Variants in PTGIS observed in about 807,000 individuals in gnomAD.
PTGIS encodes prostacyclin synthase.
PTGIS carries 45 observed loss-of-function variants against 50.3 expected under a neutral mutation model. The observed-to-expected ratio is 0.90, with a 90% CI of 0.70 to 1.15. PTGIS has a LOEUF of 1.15. Among genes scored for constraint, PTGIS ranks in the 50% most tolerant of loss-of-function variants. The pLI, the probability that PTGIS is intolerant of heterozygous loss-of-function variation, is 0.00. For synonymous variants in PTGIS, 260 were observed against 267.7 expected, an observed-to-expected ratio of 0.97 and a Z score of 0.28; for missense variants, 668 against 661.3, an observed-to-expected ratio of 1.01 and a Z score of -0.11.
chr20:49,560,785 G>A (rs1982752271), intron 1 of PTGIS, among the ~76,000 whole-genome samples: 1 of 152,172 alleles, frequency 6.6e-6, no homozygotes, highest in Non-Finnish European at 1.5e-5. Flanking sequence ...GGCTGGAGTG[G>A]AGAATGTGGG....
At chr20:49,508,201 G>C in intron 9 of PTGIS, 137 bp from the exon 10 acceptor site, 1 of 1,064,846 alleles carries the variant, frequency 9.4e-7, no homozygotes. Flanking sequence ...TGAGGAAGTA[G>C]AAGAAACGCA....
chr20:49,511,299 A>G, intron 8 of PTGIS, 120 bp from the exon 9 acceptor site: 1 of 1,161,716 alleles, frequency 8.6e-7, no homozygotes, highest in Non-Finnish European at 1.2e-6. Flanking sequence ...GAAACCATAT[A>G]CAGGTCAATT....
chr20:49,557,303 G>C (rs1024094382), intron 1 of PTGIS, among the ~76,000 whole-genome samples: 5 of 152,130 alleles, frequency 3.3e-5, no homozygotes, highest in African/African-American at 1.2e-4. Flanking sequence ...AATAGAAAAG[G>C]GGGGCAGGCA....
chr20:49,540,788 C>G lies in PTGIS; in HGVS notation c.522-1067G>C, dbSNP rs1982206899. On this transcript the variant is annotated intron_variant, in intron 4 of 9. Coordinates refer to ENST00000244043, the MANE Select transcript of PTGIS (RefSeq NM_000961.4). The surrounding 1 kb of genome is among the most constrained non-coding windows in gnomAD (Gnocchi z 4.8). ...GCTGACCTCAGTCCTGGGAGGGAAA[C>G]TGCAGGCTTTCATTTTGTCATCTCT... 6.6e-6 allele frequency among the ~76,000 whole-genome samples: 1 copy of G among 152,198 alleles called. No homozygotes were observed. The highest frequency in any genetic ancestry group is 1.5e-5 in the Non-Finnish European group (1 of 68,030).
At chr20:49,555,767 T>G (rs542398080) in intron 1 of PTGIS, among the ~76,000 whole-genome samples, 8 of 152,366 alleles carry the variant, frequency 5.3e-5, no homozygotes, top group African/African-American at 1.9e-4. Context: ...CTAAGACTTT[T>G]GTCATCCACA....
intron 5 of PTGIS, among the ~76,000 whole-genome samples, chr20:49,535,536 T>C (rs1397361555): frequency 1.3e-5 from 2 of 152,214 alleles, no homozygotes; most frequent in African/African-American, 4.8e-5. Context: ...TGTTTTGAGA[T>C]GGAGTCTTGC....
At chr20:49,559,057 A>G (rs1982694935) in intron 1 of PTGIS, among the ~76,000 whole-genome samples, 1 of 152,106 alleles carries the variant, frequency 6.6e-6, no homozygotes, top group African/African-American at 2.4e-5. Flanking sequence ...CGATCAAGGG[A>G]ACACGTTAAA....
intron 5 of PTGIS, among the ~76,000 whole-genome samples, chr20:49,527,001 TCAAA>T (rs1243988039): frequency 1.3e-5 from 2 of 152,068 alleles, no homozygotes; most frequent in Admixed American, 6.5e-5. Flanking sequence ...AACCAGAGAC[TCAAA>T]CAGATACTCG....
chr20:49,532,325 A>C (rs902128723), intron 5 of PTGIS, among the ~76,000 whole-genome samples: 1 of 152,200 alleles, frequency 6.6e-6, no homozygotes, highest in Non-Finnish European at 1.5e-5. Context: ...AGCAATAGTT[A>C]CCTGGGGATA....
At chr20:49,517,010 C>T (rs1168112893) in intron 6 of PTGIS, among the ~76,000 whole-genome samples, 2 of 152,188 alleles carry the variant, frequency 1.3e-5, no homozygotes, top group East Asian at 3.9e-4. Context: ...GGTAACATTG[C>T]CACCTCCTGG....
chr20:49,548,047 A>G, intron 2 of PTGIS, 28 bp from the exon 3 acceptor site: 1 of 1,608,890 alleles, frequency 6.2e-7, no homozygotes, highest in Non-Finnish European at 8.5e-7. Context: ...GGATAGAGTG[A>G]GGAGTGTCAC....
chr20:49,510,380 A>G (rs1981281192), intron 9 of PTGIS, among the ~76,000 whole-genome samples: 1 of 152,200 alleles, frequency 6.6e-6, no homozygotes, highest in Non-Finnish European at 1.5e-5. Context: ...AATGCCTACA[A>G]TGAGCCAGAC....
intron 1 of PTGIS, among the ~76,000 whole-genome samples, chr20:49,558,868 C>T (rs757433860): frequency 6.6e-6 from 1 of 152,056 alleles, no homozygotes; most frequent in Non-Finnish European, 1.5e-5. Context: ...AATGAACAAC[C>T]ATGCCCGGCT....
At chr20:49,515,529 A>C (rs2122843507) in intron 6 of PTGIS, among the ~76,000 whole-genome samples, 1 of 152,350 alleles carries the variant, frequency 6.6e-6, no homozygotes, top group East Asian at 1.9e-4. Flanking sequence ...ATAATAATGG[A>C]ATATTAAATC....
chr20:49,561,392 A>C (rs1424495775), intron 1 of PTGIS, among the ~76,000 whole-genome samples: 1 of 152,116 alleles, frequency 6.6e-6, no homozygotes, highest in African/African-American at 2.4e-5. Flanking sequence ...CAAAGAGGAG[A>C]CTTGCAAATT....
chr20:49,566,769 G>A (rs1289671812), intron 1 of PTGIS, among the ~76,000 whole-genome samples: 2 of 152,172 alleles, frequency 1.3e-5, no homozygotes, highest in African/African-American at 4.8e-5. Context: ...AGACTGAGGA[G>A]GTATGAAAAC....
intron 5 of PTGIS, among the ~76,000 whole-genome samples, chr20:49,531,284 G>A (rs905029021): frequency 1.3e-5 from 2 of 152,168 alleles, no homozygotes; most frequent in African/African-American, 4.8e-5. Flanking sequence ...GCATATGGGA[G>A]TGAGGAAGAG....
At chr20:49,533,731 C>A (rs1047199260) in intron 5 of PTGIS, among the ~76,000 whole-genome samples, 4 of 152,050 alleles carry the variant, frequency 2.6e-5, no homozygotes, top group Admixed American at 1.3e-4. Flanking sequence ...CTGAAGCAGG[C>A]AGATCACTTG....
At position 49,540,992 on chromosome 20, in the gene PTGIS, CGA is replaced by C. The variant is rs1003102360; in HGVS notation, c.522-1273_522-1272del. Among the ~76,000 whole-genome samples the C allele has an allele frequency of 2.0e-5, 3 of 152,144 alleles. No homozygotes were observed. The highest frequency in any genetic ancestry group is 7.2e-5 in the African/African-American group (3 of 41,440). ...AGCAGGAATGAGGGTAGGTGGGGGC[CGA>C]GAGAGGCCTGCGTGGTCCCTGCTCT... On this transcript the variant is annotated intron_variant, in intron 4 of 9. Transcript: ENST00000244043. The surrounding 1 kb of genome is among the most constrained non-coding windows in gnomAD (Gnocchi z 4.8).
Sources: allele counts gnomAD v4.1 joint callset (sites outside exome capture counted in the v4.1 genomes callset), GRCh38; gene constraint gnomAD v4.1.1; non-coding constraint Gnocchi (gnomAD v3.1); transcripts MANE v1.5; gene names NCBI Gene and HGNC (gene_info 2026-07-23, HGNC 2026-07-21).